The following CAMTA1 variants were observed in gnomAD, a reference collection of about 807,000 sequenced individuals.
CAMTA1 encodes the protein calmodulin-binding transcription activator 1.
CAMTA1 carries 27 observed loss-of-function variants against 170.9 expected under a neutral mutation model. The observed-to-expected ratio is 0.16, with a 90% CI of 0.12 to 0.22. CAMTA1 has a LOEUF of 0.22. CAMTA1 is among the 10% of genes least tolerant of loss of function. The pLI is 1.00. For missense variants in CAMTA1, 1,619 were observed against 2,217.2 expected (o/e 0.73, Z 5.42); for synonymous variants, 833 against 891.5 (o/e 0.93, Z 1.17).
chr1:7,089,765 G>A (rs966811436), intron 3 of CAMTA1, among the ~76,000 whole-genome samples: 1 of 152,148 alleles, frequency 6.6e-6, no homozygotes. Flanking sequence ...CCTGCCAACT[G>A]GGGGAAGGTG....
At chr1:7,610,222 G>A (rs994109867) in intron 6 of CAMTA1, among the ~76,000 whole-genome samples, 1 of 152,200 alleles carries the variant, frequency 6.6e-6, no homozygotes, top group Non-Finnish European at 1.5e-5. Context: ...TCAGCACATA[G>A]AGACATTAAA....
intron 3 of CAMTA1, among the ~76,000 whole-genome samples, chr1:6,942,267 A>G (rs1686782557): frequency 6.6e-6 from 1 of 152,220 alleles, no homozygotes; most frequent in South Asian, 2.1e-4. Context: ...TTTTAATATT[A>G]CAGTGACATT....
In CAMTA1 at chr1:6,898,171, ATGTGTCCT is replaced by A. The variant is rs1270790896; in HGVS notation, c.234+72962_234+72969del. On this transcript the variant is annotated intron_variant, in intron 3 of 22. Coordinates refer to ENST00000303635, the MANE Select transcript of CAMTA1 (RefSeq NM_015215.4). ...AGCTTAAATATTTGTTAAAATTGTA[ATGTGTCCT>A]GATTTAGAGGAAACTAATTATTATG... 4.2e-4 allele frequency among the ~76,000 whole-genome samples: 64 copies of A among 152,332 alleles called. 1 individual carries two copies. Among genetic ancestry groups the A allele is most frequent in the Admixed American group, 2.0e-4 (3 of 15,310 alleles).
chr1:7,584,665 T>A (rs941497227), intron 6 of CAMTA1, among the ~76,000 whole-genome samples: 1 of 152,184 alleles, frequency 6.6e-6, no homozygotes, highest in South Asian at 2.1e-4. Context: ...GGGGTTTATA[T>A]TTCATGTAAG....
chr1:7,250,418 C>T (rs1666450816), intron 5 of CAMTA1, among the ~76,000 whole-genome samples: 1 of 152,212 alleles, frequency 6.6e-6, no homozygotes, highest in African/African-American at 2.4e-5. Context: ...AAGGAACTTC[C>T]CCTGGGAACA....
At chr1:6,813,328 C>T (rs77822802) in intron 1 of CAMTA1, among the ~76,000 whole-genome samples, 6 of 152,036 alleles carry the variant, frequency 3.9e-5, no homozygotes, top group East Asian at 3.9e-4. Flanking sequence ...AGACCTTGTG[C>T]TGTTTCTTAT....
At chr1:7,219,314 T>TA (rs1165254386) in intron 4 of CAMTA1, 1 of 151,988 alleles carries the variant, frequency 6.6e-6, no homozygotes, top group Non-Finnish European at 1.5e-5. Context: ...TGGTGGCTGT[T>TA]ACATTGTGTA....
intron 6 of CAMTA1, among the ~76,000 whole-genome samples, chr1:7,472,979 G>T (rs781236001): frequency 2.0e-5 from 3 of 152,200 alleles, no homozygotes; most frequent in Admixed American, 6.5e-5. Flanking sequence ...AGGAGAGGAA[G>T]AAGATGCCTT....
intron 5 of CAMTA1, among the ~76,000 whole-genome samples, chr1:7,257,648 G>A (rs565838260): frequency 6.6e-6 from 1 of 152,284 alleles, no homozygotes; most frequent in East Asian, 1.9e-4. Context: ...GCACAGACAT[G>A]TGTGCATACA....
chr1:7,546,813 T>C (rs1041683687), intron 6 of CAMTA1, among the ~76,000 whole-genome samples: 1 of 152,196 alleles, frequency 6.6e-6, no homozygotes, highest in Non-Finnish European at 1.5e-5. Flanking sequence ...TTTTGAAAAG[T>C]GTCTGTTGAT....
chr1:6,851,230 AC>A (rs1241472032), intron 3 of CAMTA1, among the ~76,000 whole-genome samples: 1 of 152,018 alleles, frequency 6.6e-6, no homozygotes, highest in African/African-American at 2.4e-5. Flanking sequence ...GAACCACACC[AC>A]CCCCTCCCCA....
intron 4 of CAMTA1, among the ~76,000 whole-genome samples, chr1:7,137,046 C>CTGT: frequency 1.3e-5 from 2 of 152,304 alleles, no homozygotes; most frequent in South Asian, 4.1e-4. Context: ...TCTGAACAAG[C>CTGT]TGTTGATTCA....
intron 6 of CAMTA1, among the ~76,000 whole-genome samples, chr1:7,468,489 G>A (rs1026245536): frequency 3.9e-5 from 6 of 152,246 alleles, no homozygotes; most frequent in South Asian, 2.1e-4. Flanking sequence ...TGTGCACAGC[G>A]TTGCTGAACC....
intron 3 of CAMTA1, among the ~76,000 whole-genome samples, chr1:6,905,540 G>A (rs1678254670): frequency 6.6e-6 from 1 of 151,918 alleles, no homozygotes; most frequent in Non-Finnish European, 1.5e-5. Flanking sequence ...CCCCACCCCT[G>A]CCACCAGCCC....
intron 3 of CAMTA1, chr1:6,888,253 C>T (rs1673752254): frequency 1.0e-6 from 1 of 985,724 alleles, no homozygotes; most frequent in Non-Finnish European, 1.2e-6. Flanking sequence ...CTTTAACTTG[C>T]CATTTATAAA....
chr1:6,847,707 C>CTT (rs550554663), intron 3 of CAMTA1, among the ~76,000 whole-genome samples: 3 of 138,052 alleles, frequency 2.2e-5, no homozygotes, highest in Admixed American at 1.4e-4. Context: ...CCCCAGCTAA[C>CTT]TTTTTTTTTT....
intron 11 of CAMTA1, among the ~76,000 whole-genome samples, chr1:7,730,333 G>T (rs1000937748): frequency 6.6e-6 from 1 of 152,132 alleles, no homozygotes; most frequent in Admixed American, 6.5e-5. Context: ...CTGTGCTCCA[G>T]CCACACGGTC....
chr1:7,246,879 G>C (rs777796668), intron 4 of CAMTA1, among the ~76,000 whole-genome samples: 3 of 151,976 alleles, frequency 2.0e-5, no homozygotes, highest in Non-Finnish European at 4.4e-5. Context: ...TGTTGGCCAG[G>C]CTGGTTCCAA....
intron 5 of CAMTA1, among the ~76,000 whole-genome samples, chr1:7,374,771 C>G (rs1010200681): frequency 1.3e-5 from 2 of 152,188 alleles, no homozygotes; most frequent in African/African-American, 4.8e-5. Context: ...GGGCTTCTTA[C>G]CAGCCTCTAG....
Sources: allele counts gnomAD v4.1 joint callset (sites outside exome capture counted in the v4.1 genomes callset), GRCh38; gene constraint gnomAD v4.1.1; transcripts MANE v1.5; gene names NCBI Gene and HGNC (gene_info 2026-07-23, HGNC 2026-07-21).